DYNC2H1: variants seen among roughly 807,000 people sequenced by gnomAD.
The protein encoded by DYNC2H1 is dynein cytoplasmic 2 heavy chain 1.
DYNC2H1 carries 410 observed loss-of-function variants against 570.0 expected under a neutral mutation model. The ratio of observed to expected loss-of-function variants is 0.72; its 90% CI spans 0.66 to 0.78. DYNC2H1 has a LOEUF of 0.78. Among genes scored for constraint, DYNC2H1 ranks in the 30% least tolerant of loss-of-function variants. DYNC2H1 has a pLI of 0.00. For synonymous variants in DYNC2H1, 1,688 were observed against 1,677.6 expected (o/e 1.01, Z -0.15); for missense variants, 4,865 against 5,046.4 (o/e 0.96, Z 1.09).
chr11:103,215,848 T>C lies in DYNC2H1; in HGVS notation c.8822T>C (p.Val2941Ala), dbSNP rs923392944. The C allele has an allele frequency of 5.6e-6, 9 of 1,612,618 alleles. No individual in the cohort carries two copies. The highest frequency in any genetic ancestry group is 2.7e-5 in the African/African-American group (2 of 74,892). Residue 2941 changes from valine to alanine, a missense_variant, in exon 55 of 89, where the codon GTG becomes GCG. Physicochemically the swap from Val to Ala is moderately conservative, Grantham distance 64. Coordinates refer to ENST00000375735, the MANE Select transcript of DYNC2H1 (RefSeq NM_001377.3). Reference sequence around the variant, plus strand: ...GATGCTGCCCTTCAAATGATCACAGTGTCAATGCAGGTAATGTTTAGAGTG... The same window carrying C: ...GATGCTGCCCTTCAAATGATCACAGCGTCAATGCAGGTAATGTTTAGAGTG... ...EADAALQMIT[V>A]SMQDASEQKT...
intron 85 of DYNC2H1, among the ~76,000 whole-genome samples, chr11:103,445,148 T>C (rs2135778626): frequency 6.6e-6 from 1 of 152,338 alleles, no homozygotes; most frequent in South Asian, 2.1e-4. Context: ...CACTTTCTGC[T>C]TTCAAATATC....
Position 103,135,641 on chromosome 11 carries a change from TG to T in DYNC2H1, c.2345+8del. 1 of 1,610,070 alleles carries T rather than the reference TG, an allele frequency of 6.2e-7. No homozygotes were observed. On this transcript the variant is annotated splice_region_variant and intron_variant, in intron 16 of 88. Transcript: ENST00000375735. ...ATATAGACTTAACTTACAAGTAAGA[TG>T]TTTTTTCAACCCCAATTTAATGTTC...
intron 18 of DYNC2H1, among the ~76,000 whole-genome samples, chr11:103,143,844 A>G (rs74989119): frequency 0.015 from 2,335 of 152,268 alleles, 55 homozygotes; most frequent in African/African-American, 0.052. Flanking sequence ...AAAGCCTCTG[A>G]GGGGCAACTC....
intron 80 of DYNC2H1, among the ~76,000 whole-genome samples, chr11:103,317,532 A>G (rs551007516): frequency 3.3e-5 from 5 of 152,234 alleles, no homozygotes; most frequent in African/African-American, 9.6e-5. Context: ...CATTCTTCAT[A>G]CCATAAACAA....
rs373521030 is a variant in DYNC2H1, at chr11:103,188,633, G to T, written c.7277G>T (p.Arg2426Leu). ...ACTACCAGATTTACTTCCATCGTTCGTCTTTGTTCTATAGAGTATGTATCT... is the reference window on the plus strand; with the variant it reads ...ACTACCAGATTTACTTCCATCGTTCTTCTTTGTTCTATAGAGTATGTATCT... ...KLTTRFTSIV[R>L]LCSIDYPERE... The change falls in exon 44 of 89, where the codon CGT (arginine) becomes CTT (leucine). Residue 2426 changes from arginine (R) to leucine (L), a missense_variant. By Grantham distance (102) the Arg-to-Leu change is moderately radical (BLOSUM62 -2). This residue lies in a region of DYNC2H1 where 2,401 missense variants were observed against 2,454.6 expected (regional missense o/e 0.98). Transcript: ENST00000375735. The T allele has an allele frequency of 1.2e-5, 20 of 1,606,152 alleles. No individual in the cohort carries two copies. Among genetic ancestry groups the T allele is most frequent in the Non-Finnish European group, 1.7e-5 (20 of 1,175,634 alleles).
Position 103,319,682 on chromosome 11 carries a change from C to A in DYNC2H1, c.11726-1347C>A, listed in dbSNP as rs1464077398. ...AATAGGTAGAAAAAAATAAGATTTT[C>A]TTATAAAAATTCGATAAAATATTTC... On this transcript the variant is annotated intron_variant, in intron 80 of 88. Transcript: ENST00000375735. This position sits in a 1 kb window ranked among gnomAD's most constrained non-coding sequence, Gnocchi z 4.3. 2.0e-5 allele frequency among the ~76,000 whole-genome samples: 3 copies of A among 152,018 alleles called. No individual in the cohort carries two copies. The highest frequency in any genetic ancestry group is 4.8e-5 in the African/African-American group (2 of 41,388).
rs997257771 is a variant in DYNC2H1, at chr11:103,369,761, A to T, written c.12156+11402A>T. 1.3e-5 allele frequency among the ~76,000 whole-genome samples: 2 copies of T among 152,102 alleles called. No individual in the cohort carries two copies. Among genetic ancestry groups the T allele is most frequent in the Admixed American group, 6.5e-5 (1 of 15,276 alleles). The stretch of plus-strand genomic sequence containing the variant: ...AAGGGAAGTACCCAATCCTGGCAAG[A>T]TTCATCACCTGCTAACTGAAGATCC... On this transcript the variant is annotated intron_variant, in intron 83 of 88. Coordinates refer to ENST00000375735, the MANE Select transcript of DYNC2H1 (RefSeq NM_001377.3). This position sits in a 1 kb window ranked among gnomAD's most constrained non-coding sequence, Gnocchi z 4.0.
chr11:103,109,983 C>T (rs1406337543), intron 1 of DYNC2H1, among the ~76,000 whole-genome samples: 1 of 152,208 alleles, frequency 6.6e-6, no homozygotes, highest in African/African-American at 2.4e-5. Flanking sequence ...CTGACCGAAG[C>T]ATGTTTCCCT....
At chr11:103,381,049 T>C (rs1026302151) in intron 83 of DYNC2H1, among the ~76,000 whole-genome samples, 7 of 152,160 alleles carry the variant, frequency 4.6e-5, no homozygotes, top group Admixed American at 6.5e-5. Flanking sequence ...GAAGGGAGCA[T>C]GGAGGTGATA....
chr11:103,214,570 G>T (rs565571629), intron 54 of DYNC2H1, among the ~76,000 whole-genome samples: 2 of 149,668 alleles, frequency 1.3e-5, no homozygotes, highest in African/African-American at 4.9e-5. Context: ...TCAGCCTCCC[G>T]AGTAGCTGCG....
chr11:103,306,496 C>CTA (rs1867290070), intron 77 of DYNC2H1, among the ~76,000 whole-genome samples: 2 of 152,040 alleles, frequency 1.3e-5, no homozygotes, highest in Non-Finnish European at 2.9e-5. Context: ...ATAAATCCAA[C>CTA]TATATCACAA....
At position 103,303,147 on chromosome 11, in the gene DYNC2H1, C is replaced by T. The variant is rs1389010094; in HGVS notation, c.11150C>T (p.Thr3717Ile). The change falls in exon 76 of 89, where the codon ACA becomes ATA. Residue 3717 changes from threonine to isoleucine, a missense_variant. Thr to Ile is a moderately conservative substitution (Grantham distance 89). Transcript: ENST00000375735. ...PLNLKRLYKE[T>I]LEIEPILIII... Reference sequence around the variant, plus strand: ...AATCTCAAACGTTTATACAAAGAGACACTGGAAATTGAACCCATCTTGATA... The same window carrying T: ...AATCTCAAACGTTTATACAAAGAGATACTGGAAATTGAACCCATCTTGATA... The T allele has an allele frequency of 3.0e-5, 49 of 1,611,250 alleles. No homozygotes were observed. The highest frequency in any genetic ancestry group is 4.1e-5 in the Non-Finnish European group (48 of 1,178,412).
At chr11:103,130,073 A>T (rs1039503764) in intron 13 of DYNC2H1, among the ~76,000 whole-genome samples, 11 of 152,218 alleles carry the variant, frequency 7.2e-5, no homozygotes, top group Non-Finnish European at 1.6e-4. Flanking sequence ...TCCCAGTGGA[A>T]TCACAGAGGG....
chr11:103,226,655 T>C (rs997059283), intron 59 of DYNC2H1, among the ~76,000 whole-genome samples: 4 of 152,188 alleles, frequency 2.6e-5, no homozygotes, highest in Non-Finnish European at 5.9e-5. Context: ...TCATCAGGGA[T>C]ATTGGTCTAT....
intron 70 of DYNC2H1, among the ~76,000 whole-genome samples, chr11:103,270,498 G>A (rs1006946546): frequency 6.6e-5 from 10 of 152,090 alleles, no homozygotes; most frequent in Non-Finnish European, 1.5e-4. Context: ...TGTAACAATA[G>A]TGAAATAGAG....
intron 63 of DYNC2H1, among the ~76,000 whole-genome samples, chr11:103,242,043 A>G (rs180779926): frequency 6.6e-6 from 1 of 152,162 alleles, no homozygotes; most frequent in Admixed American, 6.6e-5. Flanking sequence ...TTAGATATAC[A>G]GTGTTCCCCC....
chr11:103,223,322 G>C (rs763112415), intron 59 of DYNC2H1, among the ~76,000 whole-genome samples: 4 of 152,134 alleles, frequency 2.6e-5, no homozygotes, highest in Non-Finnish European at 2.9e-5. Flanking sequence ...TTGTTGGAAG[G>C]CTAGGTAAAA....
At chr11:103,416,497 A>G (rs1387814795) in intron 84 of DYNC2H1, among the ~76,000 whole-genome samples, 1 of 152,204 alleles carries the variant, frequency 6.6e-6, no homozygotes, top group Non-Finnish European at 1.5e-5. Flanking sequence ...GACCTCAAAA[A>G]TAATGCCACA....
intron 25 of DYNC2H1, among the ~76,000 whole-genome samples, chr11:103,155,955 A>G (rs1860797846): frequency 6.6e-6 from 1 of 152,176 alleles, no homozygotes; most frequent in Non-Finnish European, 1.5e-5. Flanking sequence ...GTTGCAGAAG[A>G]TAACTCTAGT....
Sources: allele counts gnomAD v4.1 joint callset (sites outside exome capture counted in the v4.1 genomes callset), GRCh38; gene constraint gnomAD v4.1.1; regional missense constraint gnomAD v4.1.1; non-coding constraint Gnocchi (gnomAD v3.1); transcripts MANE v1.5; gene names NCBI Gene and HGNC (gene_info 2026-07-23, HGNC 2026-07-21).